The following CLDN5 variants were observed in gnomAD, a reference collection of about 807,000 sequenced individuals.
CLDN5 encodes claudin-5.
In CLDN5, 4 loss-of-function variants were observed where a neutral mutation model predicts 1.3. The ratio of observed to expected loss-of-function variants is 3.07; its 90% CI spans 1.51 to 7.03. The LOEUF is 7.03. CLDN5 is among the 30% of genes most tolerant of loss of function. CLDN5 has a pLI of 0.00. For synonymous variants in CLDN5, 156 were observed against 152.3 expected (o/e 1.02, Z -0.18); for missense variants, 225 against 303.5 (o/e 0.74, Z 1.92).
At position 19,524,392 on chromosome 22, in the gene CLDN5, C is replaced by T; in HGVS notation, c.-137G>A. 2.0e-6 allele frequency: 3 copies of T among 1,464,778 alleles called. No individual in the cohort carries two copies. Among genetic ancestry groups the T allele is most frequent in the Non-Finnish European group, 2.7e-6 (3 of 1,107,296 alleles). The allele number at this position is 1,464,778 out of a possible 1,614,324, so 90.7% of individuals were successfully genotyped here. On this transcript the variant is annotated 5_prime_UTR_variant, in exon 1 of 1. Coordinates refer to ENST00000618236, the MANE Select transcript of CLDN5 (RefSeq NM_001363066.2). ...CAGTCCGTTTGCCCCGCGGGTCTGT[C>T]GCACCTCCTGGGTCTGCCAGCTCCT...
upstream of CLDN5, chr22:19,524,947 G>A (rs1431452896): frequency 9.8e-6 from 10 of 1,021,244 alleles, no homozygotes; most frequent in Non-Finnish European, 1.1e-5. Context: ...CTCCAGCCCC[G>A]CTCTGAGTCC....
chr22:19,523,662 C>T lies in CLDN5; in HGVS notation c.594G>A (p.Val198=). Residue 198 remains valine (V), a synonymous_variant, in exon 1 of 1, where the codon GTG becomes GTA. Coordinates refer to ENST00000618236, the MANE Select transcript of CLDN5 (RefSeq NM_001363066.2). The stretch of plus-strand genomic sequence containing the variant: ...TGGGCCGCCGCGGCGCTGAGTACTT[C>T]ACGGGGAAGCTGAGGTCGGGACGGC... ...CTGRPDLSFP[V]KYSAPRRPTA... 1 of 1,607,076 alleles carries T rather than the reference C, an allele frequency of 6.2e-7. No homozygotes were observed. Among genetic ancestry groups the T allele is most frequent in the Non-Finnish European group, 8.5e-7 (1 of 1,179,330 alleles).
upstream of CLDN5, chr22:19,525,137 C>T: frequency 6.0e-6 from 6 of 1,000,642 alleles, no homozygotes; most frequent in Non-Finnish European, 6.0e-6. Context: ...TCTCCCAAGC[C>T]GCAGGGGCTT....
In CLDN5 at chr22:19,523,712, A is replaced by G; in HGVS notation, c.544T>C (p.Cys182Arg). 6.2e-7 allele frequency: 1 copy of G among 1,607,182 alleles called. No individual in the cohort carries two copies. Among genetic ancestry groups the G allele is most frequent in the Non-Finnish European group, 8.5e-7 (1 of 1,178,592 alleles). The part of the protein sequence containing the change: ...ALLMVGGCLL[C>R]CGAWVCTGRP... Reference sequence around the variant, plus strand: ...CCGGTGCAGACCCAGGCGCCGCAGCACAAGAGGCAGCCGCCTACCATGAGC... The same window carrying G: ...CCGGTGCAGACCCAGGCGCCGCAGCGCAAGAGGCAGCCGCCTACCATGAGC... Residue 182 changes from cysteine (C) to arginine (R), a missense_variant, in exon 1 of 1, where the codon TGC becomes CGC. Cys to Arg is a radical substitution (Grantham distance 180). Around this residue, in one of 3 missense-constraint regions of CLDN5, gnomAD observed 165 missense variants for 211.9 expected, o/e 0.78. Transcript: ENST00000618236.
upstream of CLDN5, chr22:19,524,715 A>C: frequency 5.4e-6 from 7 of 1,295,214 alleles, no homozygotes; most frequent in Non-Finnish European, 6.9e-6. Flanking sequence ...CGGCCCCGTC[A>C]CTTCAGAAGG....
Position 19,523,028 on chromosome 22 carries a change from A to C in CLDN5, c.*571T>G, listed in dbSNP as rs539876887. Reference sequence around the variant, plus strand: ...ACAGAGAACAGGACACAGGTGGGAGAGAGTTCAAACCATTTACTAAGCAGA... The same window carrying C: ...ACAGAGAACAGGACACAGGTGGGAGCGAGTTCAAACCATTTACTAAGCAGA... On this transcript the variant is annotated 3_prime_UTR_variant, in exon 1 of 1. Transcript: ENST00000618236. 2.0e-5 allele frequency: 3 copies of C among 152,744 alleles called. No homozygotes were observed. In the East Asian group the frequency reaches 5.8e-4, roughly 30 times the overall value. 9.5% of individuals were successfully genotyped at this position (152,744 alleles called of 1,614,324 possible).
At position 19,523,397 on chromosome 22, in the gene CLDN5, C is replaced by G. The variant is rs911150633; in HGVS notation, c.*202G>C. 7.7e-6 allele frequency: 5 copies of G among 650,552 alleles called. No homozygotes were observed. In the African/African-American group the frequency reaches 9.7e-5, roughly 13 times the overall value. The allele number at this position is 650,552 out of a possible 1,614,324, so 40.3% of individuals were successfully genotyped here. ...TCATTCCGTCTGTTAAGGGCAGGGCCGGGCTAGTGGCAGGAGAAGGTCAGC... is the reference window on the plus strand; with the variant it reads ...TCATTCCGTCTGTTAAGGGCAGGGCGGGGCTAGTGGCAGGAGAAGGTCAGC... On this transcript the variant is annotated 3_prime_UTR_variant, in exon 1 of 1. Transcript: ENST00000618236.
At position 19,524,089 on chromosome 22, in the gene CLDN5, A is replaced by G; in HGVS notation, c.167T>C (p.Val56Ala). The change falls in exon 1 of 1, where the codon GTG becomes GCG. Residue 56 changes from valine (V) to alanine (A), a missense_variant. Val to Ala is a moderately conservative substitution (Grantham distance 64). Coordinates refer to ENST00000618236, the MANE Select transcript of CLDN5 (RefSeq NM_001363066.2). Reference protein sequence around the residue: ...TWKGLWMSCVVQSTGHMQCKV... With the variant: ...TWKGLWMSCVAQSTGHMQCKV... The stretch of plus-strand genomic sequence containing the variant: ...GCACTGCATGTGCCCGGTGCTCTGC[A>G]CCACGCACGACATCCACAGCCCCTT... The G allele has an allele frequency of 6.2e-7, 1 of 1,606,488 alleles. No homozygotes were observed. The highest frequency in any genetic ancestry group is 8.5e-7 in the Non-Finnish European group (1 of 1,179,694).
chr22:19,524,349 G>T lies in CLDN5; in HGVS notation c.-94C>A, dbSNP rs1250618133. 2.0e-6 allele frequency: 3 copies of T among 1,482,896 alleles called. No homozygotes were observed. Among genetic ancestry groups the T allele is most frequent in the Non-Finnish European group, 2.7e-6 (3 of 1,115,676 alleles). 91.9% of individuals were successfully genotyped at this position (1,482,896 alleles called of 1,614,324 possible). A position where few individuals can be genotyped will look rare whatever the true frequency, so the allele number is the denominator to read the frequency against. On this transcript the variant is annotated 5_prime_UTR_variant, in exon 1 of 1. Transcript: ENST00000618236. ...CGGGCCCTGGTGCCTTTGCGCCCGC[G>T]CTCCCGGCTCTTGGCCCCAGTCCGT... is the stretch of plus-strand genomic sequence containing the variant.
chr22:19,525,205 C>G (rs1288969687), upstream of CLDN5: 5 of 1,000,468 alleles, frequency 5.0e-6, no homozygotes, highest in Non-Finnish European at 6.0e-6. Context: ...TGCCCGCACC[C>G]CATCCTTGGG....
Position 19,524,407 on chromosome 22 carries a change from T to C in CLDN5, c.-152A>G. The stretch of plus-strand genomic sequence containing the variant: ...GCGGGTCTGTCGCACCTCCTGGGTC[T>C]GCCAGCTCCTGCCGGGGGGTACCCT... On this transcript the variant is annotated 5_prime_UTR_variant, in exon 1 of 1. Transcript: ENST00000618236. 6.9e-7 allele frequency: 1 copy of C among 1,448,502 alleles called. No individual in the cohort carries two copies. Among genetic ancestry groups the C allele is most frequent in the Non-Finnish European group, 9.1e-7 (1 of 1,100,192 alleles). 89.7% of individuals were successfully genotyped at this position (1,448,502 alleles called of 1,614,324 possible).
chr22:19,524,661 G>A, upstream of CLDN5: 1 of 1,337,750 alleles, frequency 7.5e-7, no homozygotes, highest in African/African-American at 1.5e-5. Flanking sequence ...GCGCATTCTG[G>A]GCTGGCCTAG....
chr22:19,524,885 A>C, upstream of CLDN5: 1 of 1,076,442 alleles, frequency 9.3e-7, no homozygotes. Flanking sequence ...GCTCTCCAGA[A>C]AGCCCGCCCC....
Position 19,524,264 on chromosome 22 carries a change from GC to G in CLDN5, c.-10del. ...AACGCTGCGGACCCCATGGCTAGAG[GC>G]GAGACGCGCACCCGAAGGCCCGCAG... On this transcript the variant is annotated 5_prime_UTR_variant, in exon 1 of 1. Coordinates refer to ENST00000618236, the MANE Select transcript of CLDN5 (RefSeq NM_001363066.2). 3.8e-6 allele frequency: 6 copies of G among 1,561,892 alleles called. No individual in the cohort carries two copies. Among genetic ancestry groups the G allele is most frequent in the Non-Finnish European group, 5.2e-6 (6 of 1,154,330 alleles).
Position 19,524,207 on chromosome 22 carries a change from C to T in CLDN5, c.49G>A (p.Gly17Ser). ...EILGLVLCLVGWGGLILACGL... is the reference protein window; with the variant it reads ...EILGLVLCLVSWGGLILACGL... Reference sequence around the variant, plus strand: ...CACGCCAGGATCAGACCCCCCCAGCCCACCAGGCACAGCACCAGGCCCAGG... The same window carrying T: ...CACGCCAGGATCAGACCCCCCCAGCTCACCAGGCACAGCACCAGGCCCAGG... The change falls in exon 1 of 1, where the codon GGC (glycine) becomes AGC (serine). Residue 17 changes from glycine (G) to serine (S), a missense_variant. By Grantham distance (56) the Gly-to-Ser change is moderately conservative (BLOSUM62 0). This residue lies in a region of CLDN5 where 41 missense variants were observed against 40.5 expected (regional missense o/e 1.01). Transcript: ENST00000618236. 1 of 1,603,994 alleles carries T rather than the reference C, an allele frequency of 6.2e-7. No individual in the cohort carries two copies. Among genetic ancestry groups the T allele is most frequent in the Non-Finnish European group, 8.5e-7 (1 of 1,175,522 alleles).
chr22:19,523,301 G>C lies in CLDN5; in HGVS notation c.*298C>G, dbSNP rs1407937597. On this transcript the variant is annotated 3_prime_UTR_variant, in exon 1 of 1. Coordinates refer to ENST00000618236, the MANE Select transcript of CLDN5 (RefSeq NM_001363066.2). Reference sequence around the variant, plus strand: ...CAGCCAAGACCCCCAGCGTCTTGGAGGGGAAGCGAAATCCTCAGTCTGACA... The same window carrying C: ...CAGCCAAGACCCCCAGCGTCTTGGACGGGAAGCGAAATCCTCAGTCTGACA... The C allele has an allele frequency of 5.1e-6, 2 of 394,154 alleles. No individual in the cohort carries two copies. The highest frequency in any genetic ancestry group is 4.3e-5 in the African/African-American group (2 of 47,052). 24.4% of individuals were successfully genotyped at this position (394,154 alleles called of 1,614,324 possible). A position where few individuals can be genotyped will look rare whatever the true frequency, so the allele number is the denominator to read the frequency against.
chr22:19,524,447 G>A, upstream of CLDN5: 4 of 1,439,184 alleles, frequency 2.8e-6, no homozygotes, highest in Non-Finnish European at 3.6e-6. Flanking sequence ...GAAGGTTCGG[G>A]GGCGGATTCT....
Position 19,523,903 on chromosome 22 carries a change from G to A in CLDN5, c.353C>T (p.Ala118Val), listed in dbSNP as rs1380367851. 1.9e-6 allele frequency: 3 copies of A among 1,604,240 alleles called. No individual in the cohort carries two copies. Among genetic ancestry groups the A allele is most frequent in the Non-Finnish European group, 2.5e-6 (3 of 1,177,956 alleles). The change falls in exon 1 of 1, where the codon GCC (alanine) becomes GTC (valine). Residue 118 changes from alanine (A) to valine (V), a missense_variant. Ala to Val is a moderately conservative substitution (Grantham distance 64). Around this residue, in one of 3 missense-constraint regions of CLDN5, gnomAD observed 165 missense variants for 211.9 expected, o/e 0.78. Coordinates refer to ENST00000618236, the MANE Select transcript of CLDN5 (RefSeq NM_001363066.2). ...CAGGTAGAGCACGCCTCCCGTGAGG[G>A]CCACACGCGCCTTGGCCGGGCCCGG... is the stretch of plus-strand genomic sequence containing the variant. ...VAPGPAKARV[A>V]LTGGVLYLFC...
upstream of CLDN5, chr22:19,524,690 C>T: frequency 7.7e-7 from 1 of 1,300,992 alleles, no homozygotes; most frequent in Admixed American, 4.0e-5. Context: ...TCTTGGGCCG[C>T]CTCCCTGCGC....
Sources: allele counts gnomAD v4.1 joint callset, GRCh38; gene constraint gnomAD v4.1.1; regional missense constraint gnomAD v4.1.1; transcripts MANE v1.5; gene names NCBI Gene and HGNC (gene_info 2026-07-23, HGNC 2026-07-21).